The following TMTC2 variants were observed in gnomAD, a reference collection of about 807,000 sequenced individuals.
The protein encoded by TMTC2 is protein O-mannosyl-transferase TMTC2.
Under a neutral mutation model 82.4 loss-of-function variants are expected in TMTC2, and 43 were observed. The observed-to-expected ratio is 0.52, with a 90% CI of 0.41 to 0.67. The LOEUF (loss-of-function observed/expected upper bound fraction) is 0.67, where lower values mean the gene tolerates loss of function less well. Ranked by LOEUF, TMTC2 falls within the 30% of genes least tolerant of loss-of-function variation. TMTC2 has a pLI of 0.00. For missense variants in TMTC2, 919 were observed against 1,012.4 expected (o/e 0.91, Z 1.25); for synonymous variants, 408 against 381.9 (o/e 1.07, Z -0.80).
chr12:83,097,028 T>C (rs1884051818), intron 11 of TMTC2, among the ~76,000 whole-genome samples: 1 of 152,202 alleles, frequency 6.6e-6, no homozygotes, highest in South Asian at 2.1e-4. Context: ...TGTTTTTCTA[T>C]TTCAGCATTA....
At chr12:82,792,706 A>G (rs1878528989) in intron 1 of TMTC2, among the ~76,000 whole-genome samples, 3 of 151,868 alleles carry the variant, frequency 2.0e-5, no homozygotes, top group Admixed American at 6.6e-5. Context: ...GAATGCCTCA[A>G]ATGATCCTCC....
intron 4 of TMTC2, among the ~76,000 whole-genome samples, chr12:82,935,258 G>T (rs1343151933): frequency 6.6e-6 from 1 of 152,078 alleles, no homozygotes; most frequent in Non-Finnish European, 1.5e-5. Flanking sequence ...CGTGCTTACA[G>T]ACAATAGTTA....
At chr12:82,870,835 G>A (rs1198670378) in intron 2 of TMTC2, among the ~76,000 whole-genome samples, 1 of 152,188 alleles carries the variant, frequency 6.6e-6, no homozygotes, top group Non-Finnish European at 1.5e-5. Flanking sequence ...GAGAAAATGT[G>A]GGGATGCCAA....
At chr12:82,939,525 A>T (rs1876588476) in intron 4 of TMTC2, among the ~76,000 whole-genome samples, 1 of 151,696 alleles carries the variant, frequency 6.6e-6, no homozygotes, top group South Asian at 2.1e-4. Context: ...TGGATTCATT[A>T]TTTTTTTGTA....
chr12:82,862,867 A>G (rs2137123221), intron 2 of TMTC2, among the ~76,000 whole-genome samples: 1 of 152,310 alleles, frequency 6.6e-6, no homozygotes, highest in East Asian at 1.9e-4. Context: ...GTTTATCTTG[A>G]GAATAATTTC....
At chr12:83,051,395 A>T (rs1418203074) in intron 10 of TMTC2, among the ~76,000 whole-genome samples, 1 of 152,114 alleles carries the variant, frequency 6.6e-6, no homozygotes, top group Non-Finnish European at 1.5e-5. Context: ...AGGGAAGCCA[A>T]AAGATTGGAC....
intron 8 of TMTC2, among the ~76,000 whole-genome samples, chr12:82,999,345 C>T (rs985153137): frequency 9.2e-5 from 14 of 152,124 alleles, no homozygotes; most frequent in African/African-American, 7.2e-5. Context: ...AATTATCATC[C>T]TCATGATATC....
intron 1 of TMTC2, among the ~76,000 whole-genome samples, chr12:82,754,935 G>A (rs1447287392): frequency 6.6e-6 from 1 of 152,196 alleles, no homozygotes; most frequent in African/African-American, 2.4e-5. Context: ...ATGAACTGTA[G>A]AAAGCATCTC....
intron 8 of TMTC2, among the ~76,000 whole-genome samples, chr12:82,992,331 G>A (rs555240895): frequency 1.1e-3 from 170 of 152,204 alleles, no homozygotes; most frequent in African/African-American, 3.9e-3. Flanking sequence ...CAATATTTGG[G>A]TTTTTTTGTT....
intron 1 of TMTC2, among the ~76,000 whole-genome samples, chr12:82,818,493 G>T (rs545377096): frequency 6.6e-5 from 10 of 152,218 alleles, no homozygotes; most frequent in South Asian, 4.1e-4. Flanking sequence ...TGATTCAATA[G>T]AAAGGTTAAT....
At chr12:82,939,731 C>A (rs888904172) in intron 4 of TMTC2, among the ~76,000 whole-genome samples, 24 of 151,960 alleles carry the variant, frequency 1.6e-4, no homozygotes, top group Non-Finnish European at 2.9e-4. Flanking sequence ...CTGTTGGTAA[C>A]CCCTGTCAAG....
chr12:82,820,194 A>G (rs1302836173), intron 1 of TMTC2, among the ~76,000 whole-genome samples: 2 of 152,030 alleles, frequency 1.3e-5, no homozygotes, highest in African/African-American at 4.8e-5. Flanking sequence ...GATTGTGCCC[A>G]CCCAGATTGA....
At chr12:83,131,823 C>T (rs897577568) in intron 11 of TMTC2, among the ~76,000 whole-genome samples, 2 of 152,178 alleles carry the variant, frequency 1.3e-5, no homozygotes, top group African/African-American at 4.8e-5. Flanking sequence ...ACTTTACCCA[C>T]TTATTTTTTA....
chr12:82,934,169 G>T (rs1876191101), intron 4 of TMTC2, among the ~76,000 whole-genome samples: 2 of 152,232 alleles, frequency 1.3e-5, no homozygotes, highest in South Asian at 2.1e-4. Flanking sequence ...ATAAATAGAG[G>T]AGCCAATATA....
chr12:83,054,269 A>G (rs1378919602), intron 10 of TMTC2, among the ~76,000 whole-genome samples: 1 of 152,118 alleles, frequency 6.6e-6, no homozygotes. Flanking sequence ...GATACAAAAT[A>G]TGTCTGTGCA....
At position 82,931,984 on chromosome 12, in the gene TMTC2, A is replaced by G. The variant is rs77729374; in HGVS notation, c.1598+1439A>G. ...GGAGGCAAAACAGTTCTCTATAGGA[A>G]GATGACTGATCCTAGGTAAAATAAG... is the stretch of plus-strand genomic sequence containing the variant. On this transcript the variant is annotated intron_variant, in intron 4 of 11. Transcript: ENST00000321196. 4.1e-3 allele frequency among the ~76,000 whole-genome samples: 628 copies of G among 152,264 alleles called. 22 individuals carry two copies. In the East Asian group the frequency reaches 0.093, roughly 23 times the overall value.
At chr12:83,074,755 C>T (rs888629234) in intron 11 of TMTC2, among the ~76,000 whole-genome samples, 2 of 151,980 alleles carry the variant, frequency 1.3e-5, no homozygotes, top group East Asian at 1.9e-4. Context: ...AGGTGGAGGG[C>T]GTGAGGTCTT....
intron 2 of TMTC2, among the ~76,000 whole-genome samples, chr12:82,865,381 C>T (rs1871792939): frequency 6.6e-6 from 1 of 152,090 alleles, no homozygotes; most frequent in Admixed American, 6.5e-5. Flanking sequence ...ATAAAACAGG[C>T]TTTAAACCAA....
At chr12:82,690,583 A>G (rs1872530842) in intron 1 of TMTC2, 2 of 207,088 alleles carry the variant, frequency 9.7e-6, no homozygotes, top group South Asian at 1.7e-4. Flanking sequence ...AAAATTTAAT[A>G]TTTTACAAGT....
Sources: gnomAD v4.1 joint callset for allele counts (sites outside exome capture counted in the v4.1 genomes callset) on GRCh38, gnomAD v4.1.1 for gene constraint, MANE v1.5 for transcripts, NCBI Gene and HGNC (gene_info 2026-07-23, HGNC 2026-07-21) for gene names.